The following NTRK2 variants were observed in gnomAD, a reference collection of about 807,000 sequenced individuals.
NTRK2 encodes the protein BDNF/NT-3 growth factors receptor.
In NTRK2, 13 loss-of-function variants were observed where a neutral mutation model predicts 94.5. The ratio of observed to expected loss-of-function variants is 0.14; its 90% CI spans 0.09 to 0.22. NTRK2 has a LOEUF of 0.22. Ranked by LOEUF, NTRK2 falls within the 10% of genes least tolerant of loss-of-function variation. The probability of loss-of-function intolerance (pLI) is 1.00; values close to 1 mark genes in which losing one functional copy is unlikely to be tolerated. For missense variants in NTRK2, 639 were observed against 1,071.2 expected (o/e 0.60, Z 5.63); for synonymous variants, 372 against 407.4 (o/e 0.91, Z 1.05).
At chr9:84,682,866 T>C (rs1043935337) in intron 2 of NTRK2, among the ~76,000 whole-genome samples, 2 of 152,336 alleles carry the variant, frequency 1.3e-5, no homozygotes, top group East Asian at 3.9e-4. Context: ...CCTTATTTTC[T>C]TCCCAGCTGC....
At chr9:84,741,791 A>G in intron 9 of NTRK2, 101 bp from the exon 10 acceptor site, 1 of 1,006,344 alleles carries the variant, frequency 9.9e-7, no homozygotes, top group Middle Eastern at 2.2e-4. Flanking sequence ...TTAAATTGCA[A>G]AACTTCAGTG....
At chr9:84,680,874 G>A (rs1221874144) in intron 2 of NTRK2, among the ~76,000 whole-genome samples, 2 of 152,092 alleles carry the variant, frequency 1.3e-5, no homozygotes, top group Admixed American at 1.3e-4. Flanking sequence ...GCAGAACTTG[G>A]CTTCATTTCT....
At chr9:84,806,135 A>G (rs1588723258) in intron 12 of NTRK2, among the ~76,000 whole-genome samples, 2 of 152,236 alleles carry the variant, frequency 1.3e-5, no homozygotes, top group African/African-American at 4.8e-5. Flanking sequence ...TGTTGAGCAT[A>G]GAAAATGTAT....
chr9:84,882,912 C>T (rs1210359919), intron 14 of NTRK2, among the ~76,000 whole-genome samples: 1 of 152,120 alleles, frequency 6.6e-6, no homozygotes. Flanking sequence ...TACAGACAGG[C>T]ACTACCACAC....
intron 17 of NTRK2, among the ~76,000 whole-genome samples, chr9:84,985,823 C>T (rs954823348): frequency 3.3e-5 from 5 of 152,154 alleles, no homozygotes; most frequent in African/African-American, 1.2e-4. Context: ...AAGGATCACA[C>T]AGTTTAATTA....
intron 14 of NTRK2, chr9:84,876,257 C>T (rs2076063709): frequency 1.9e-6 from 2 of 1,043,078 alleles, no homozygotes; most frequent in Non-Finnish European, 2.3e-6. Context: ...GCAGTTATAT[C>T]AAAACAGCTA....
intron 2 of NTRK2, among the ~76,000 whole-genome samples, chr9:84,688,224 C>T (rs143235989): frequency 9.0e-4 from 137 of 152,304 alleles, no homozygotes; most frequent in African/African-American, 3.1e-3. Context: ...TGAAGGAGAA[C>T]AGAGTGATGG....
intron 12 of NTRK2, among the ~76,000 whole-genome samples, chr9:84,851,386 A>G (rs143578078): frequency 1.1e-4 from 17 of 152,312 alleles, no homozygotes; most frequent in Non-Finnish European, 8.8e-5. Flanking sequence ...TTTGACCAGC[A>G]TTGCATTTTA....
intron 12 of NTRK2, among the ~76,000 whole-genome samples, chr9:84,771,102 G>A (rs1287278379): frequency 6.6e-6 from 1 of 152,210 alleles, no homozygotes; most frequent in Non-Finnish European, 1.5e-5. Context: ...ATAAGAGCTT[G>A]AGTCATGTCA....
intron 14 of NTRK2, among the ~76,000 whole-genome samples, chr9:84,886,816 T>C (rs952710119): frequency 5.9e-5 from 9 of 152,302 alleles, no homozygotes; most frequent in African/African-American, 1.7e-4. Context: ...TACTTTTCAC[T>C]GGGTAATGTA....
chr9:84,872,800 G>T, intron 14 of NTRK2: 1 of 1,064,438 alleles, frequency 9.4e-7, no homozygotes, highest in Non-Finnish European at 1.1e-6. Context: ...AGATTCATAG[G>T]CCAGCTAGGC....
intron 2 of NTRK2, among the ~76,000 whole-genome samples, chr9:84,679,486 G>A (rs1703479736): frequency 6.6e-6 from 1 of 152,162 alleles, no homozygotes; most frequent in Admixed American, 6.5e-5. Flanking sequence ...ACAAAGTATA[G>A]GAACGTGGTA....
intron 6 of NTRK2, among the ~76,000 whole-genome samples, chr9:84,721,469 C>T (rs1207965800): frequency 1.2e-4 from 19 of 152,190 alleles, no homozygotes; most frequent in African/African-American, 4.3e-4. Flanking sequence ...AGCCACTGCA[C>T]CCGGCCACAT....
chr9:85,003,785 G>T (rs1255590717), intron 17 of NTRK2, among the ~76,000 whole-genome samples: 2 of 151,596 alleles, frequency 1.3e-5, no homozygotes, highest in African/African-American at 2.4e-5. Flanking sequence ...GAATGTGGCA[G>T]CTTGGCCTAG....
intron 17 of NTRK2, among the ~76,000 whole-genome samples, chr9:84,995,343 A>G (rs1361258834): frequency 6.6e-6 from 1 of 151,880 alleles, no homozygotes; most frequent in Non-Finnish European, 1.5e-5. Flanking sequence ...GGGAAAAAAC[A>G]CTTTTTATCC....
At chr9:84,726,207 C>T (rs537108126) in intron 8 of NTRK2, among the ~76,000 whole-genome samples, 3 of 152,188 alleles carry the variant, frequency 2.0e-5, no homozygotes, top group Non-Finnish European at 4.4e-5. Context: ...TAACAACTGG[C>T]TGGGTGTGGT....
intron 17 of NTRK2, among the ~76,000 whole-genome samples, chr9:84,994,894 C>T (rs1184165493): frequency 1.3e-5 from 2 of 152,170 alleles, no homozygotes; most frequent in African/African-American, 4.8e-5. Context: ...CTAAATTAGA[C>T]CCAGACAAGT....
chr9:84,783,133 A>G (rs942229116), intron 12 of NTRK2, among the ~76,000 whole-genome samples: 3 of 152,198 alleles, frequency 2.0e-5, no homozygotes, highest in African/African-American at 7.2e-5. Context: ...ATAATGCAAC[A>G]AATGCTCTTA....
At chr9:84,774,048 G>A (rs2066803465) in intron 12 of NTRK2, among the ~76,000 whole-genome samples, 1 of 152,052 alleles carries the variant, frequency 6.6e-6, no homozygotes, top group Non-Finnish European at 1.5e-5. Context: ...CTCCCCTATG[G>A]CCTGGTTTCA....
Sources: gnomAD v4.1 joint callset for allele counts (sites outside exome capture counted in the v4.1 genomes callset) on GRCh38, gnomAD v4.1.1 for gene constraint, MANE v1.5 for transcripts, NCBI Gene and HGNC (gene_info 2026-07-23, HGNC 2026-07-21) for gene names.